Variants in TNFRSF19 observed in about 807,000 individuals in gnomAD.
TNFRSF19 encodes tumor necrosis factor receptor superfamily member 19.
A neutral mutation model predicts 46.4 loss-of-function variants in TNFRSF19; 27 were observed. The observed-to-expected ratio is 0.58, with a 90% CI of 0.43 to 0.80. The LOEUF (loss-of-function observed/expected upper bound fraction) is 0.80. Among genes scored for constraint, TNFRSF19 ranks in the 30% least tolerant of loss-of-function variants. The pLI is 0.00. For missense variants in TNFRSF19, 511 were observed against 530.8 expected (o/e 0.96, Z 0.37); for synonymous variants, 204 against 205.0 (o/e 1.00, Z 0.04).
rs34800120 is a variant in TNFRSF19, at chr13:23,633,111, C to CTTTTT, written c.445+6332_445+6336dup. ...ATGATCAAATTACACTTGTTGACGT[C>CTTTTT]TTTTTTTTTTTTTTTTTGAGACAGT... On this transcript the variant is annotated intron_variant, in intron 5 of 9. Coordinates refer to ENST00000248484, the MANE Select transcript of TNFRSF19 (RefSeq NM_148957.4). 3.7e-5 allele frequency among the ~76,000 whole-genome samples: 5 copies of CTTTTT among 136,136 alleles called. 2 individuals carry two copies. The highest frequency in any genetic ancestry group is 1.6e-5 in the Non-Finnish European group (1 of 64,192). 89.3% of individuals were successfully genotyped at this position (136,136 alleles called of 152,430 possible). A position where few individuals can be genotyped will look rare whatever the true frequency, so the allele number is the denominator to read the frequency against.
At chr13:23,575,400 A>G (rs948397787) in intron 1 of TNFRSF19, among the ~76,000 whole-genome samples, 3 of 152,194 alleles carry the variant, frequency 2.0e-5, no homozygotes, top group African/African-American at 7.2e-5. Flanking sequence ...AGATTATGTT[A>G]AGATACAGAA....
intron 5 of TNFRSF19, among the ~76,000 whole-genome samples, chr13:23,642,665 G>A (rs887493514): frequency 6.6e-6 from 1 of 152,214 alleles, no homozygotes; most frequent in African/African-American, 2.4e-5. Flanking sequence ...GCCTGTTGAT[G>A]TGCTTGTTAT....
chr13:23,626,778 C>T lies in TNFRSF19; in HGVS notation c.431C>T (p.Pro144Leu). Reference protein sequence around the residue: ...ECVPCGDPPPPYEPHCASKVN... With the variant: ...ECVPCGDPPPLYEPHCASKVN... ...GTGCCTTGTGGAGACCCTCCTCCTC[C>T]TTACGAACCGCACTGTGAGTGAACG... Residue 144 changes from proline (P) to leucine (L), a missense_variant, in exon 5 of 10, where the codon CCT becomes CTT. Pro to Leu is a moderately conservative substitution (Grantham distance 98). Coordinates refer to ENST00000248484, the MANE Select transcript of TNFRSF19 (RefSeq NM_148957.4). The T allele has an allele frequency of 6.2e-7, 1 of 1,614,180 alleles. No homozygotes were observed. The highest frequency in any genetic ancestry group is 1.1e-5 in the South Asian group (1 of 91,080).
chr13:23,599,779 G>A (rs960847014), intron 3 of TNFRSF19, among the ~76,000 whole-genome samples: 1 of 152,112 alleles, frequency 6.6e-6, no homozygotes, highest in African/African-American at 2.4e-5. Context: ...GAAAGAGTCT[G>A]TTCCATCAGT....
intron 5 of TNFRSF19, among the ~76,000 whole-genome samples, chr13:23,649,729 TA>T (rs1206697964): frequency 6.6e-6 from 1 of 152,176 alleles, no homozygotes. Flanking sequence ...TTGTATTCCA[TA>T]AGTTTTGGTA....
Position 23,611,061 on chromosome 13 carries a change from T to C in TNFRSF19, c.181-4806T>C, listed in dbSNP as rs1880875019. Among the ~76,000 whole-genome samples, 3 of 151,902 alleles carry C rather than the reference T, an allele frequency of 2.0e-5. No individual in the cohort carries two copies. In the East Asian group the frequency reaches 5.8e-4, roughly 29 times the overall value. On this transcript the variant is annotated intron_variant, in intron 3 of 9. Transcript: ENST00000248484. ...ATATCCCTTATCCTGAAGCCCAGGCTAAAGATGGACATACTCTGCCTATAC... is the reference window on the plus strand; with the variant it reads ...ATATCCCTTATCCTGAAGCCCAGGCCAAAGATGGACATACTCTGCCTATAC...
At chr13:23,582,834 G>A (rs937154803) in intron 1 of TNFRSF19, among the ~76,000 whole-genome samples, 1 of 152,168 alleles carries the variant, frequency 6.6e-6, no homozygotes, top group Non-Finnish European at 1.5e-5. Flanking sequence ...GGGAGGAGGG[G>A]TCTGGCTTCT....
chr13:23,639,964 G>A (rs892845342), intron 5 of TNFRSF19, among the ~76,000 whole-genome samples: 1 of 152,218 alleles, frequency 6.6e-6, no homozygotes, highest in African/African-American at 2.4e-5. Flanking sequence ...AAACTCTGCT[G>A]ACATGAGCGC....
intron 1 of TNFRSF19, among the ~76,000 whole-genome samples, chr13:23,588,889 T>A (rs1879045606): frequency 6.6e-6 from 1 of 152,248 alleles, no homozygotes; most frequent in African/African-American, 2.4e-5. Context: ...AAATGATTTT[T>A]CATTGCCCCG....
chr13:23,634,820 G>T (rs1882573094), intron 5 of TNFRSF19, among the ~76,000 whole-genome samples: 1 of 152,182 alleles, frequency 6.6e-6, no homozygotes, highest in Admixed American at 6.5e-5. Flanking sequence ...ACGGTCTAAG[G>T]AAGACCAGGG....
intron 1 of TNFRSF19, among the ~76,000 whole-genome samples, chr13:23,578,850 G>T (rs1453522336): frequency 6.6e-6 from 1 of 152,214 alleles, no homozygotes. Context: ...CGGGGCGAGT[G>T]CTTCCCGGCC....
chr13:23,666,695 A>G (rs1951639715), intron 7 of TNFRSF19, among the ~76,000 whole-genome samples: 1 of 152,176 alleles, frequency 6.6e-6, no homozygotes, highest in Non-Finnish European at 1.5e-5. Flanking sequence ...CAATTTTGAA[A>G]TGTCTCATGG....
intron 5 of TNFRSF19, among the ~76,000 whole-genome samples, chr13:23,653,541 T>C (rs1883784723): frequency 6.6e-6 from 1 of 152,174 alleles, no homozygotes; most frequent in Non-Finnish European, 1.5e-5. Context: ...GTGGTGACAT[T>C]GCGGAAGGAC....
chr13:23,592,289 G>A lies in TNFRSF19; in HGVS notation c.70-1056G>A, dbSNP rs77767455. On this transcript the variant is annotated intron_variant, in intron 2 of 9. Coordinates refer to ENST00000248484, the MANE Select transcript of TNFRSF19 (RefSeq NM_148957.4). The stretch of plus-strand genomic sequence containing the variant: ...CTTCCATTAAGGAAAACAGAACCGC[G>A]TCAGTAGCACTATTCAGGGCATTCT... Among the ~76,000 whole-genome samples, 1,279 of 152,184 alleles carry A rather than the reference G, an allele frequency of 8.4e-3. 28 individuals carry two copies. The highest frequency in any genetic ancestry group is 0.077 in the East Asian group (397 of 5,152).
At chr13:23,572,428 A>G (rs567191863) in intron 1 of TNFRSF19, among the ~76,000 whole-genome samples, 27 of 152,202 alleles carry the variant, frequency 1.8e-4, no homozygotes, top group Non-Finnish European at 2.6e-4. Flanking sequence ...TTTTAAAACA[A>G]TGACTGGAGA....
At chr13:23,615,513 G>A (rs1881212891) in intron 3 of TNFRSF19, among the ~76,000 whole-genome samples, 1 of 152,156 alleles carries the variant, frequency 6.6e-6, no homozygotes, top group Admixed American at 6.5e-5. Flanking sequence ...GTGTGTGAAT[G>A]TTTCCCTGGC....
chr13:23,608,059 T>G (rs999423140), intron 3 of TNFRSF19, among the ~76,000 whole-genome samples: 3 of 152,168 alleles, frequency 2.0e-5, no homozygotes, highest in Non-Finnish European at 4.4e-5. Flanking sequence ...CTGGATACAG[T>G]CTACACCTTG....
At chr13:23,572,349 T>C (rs1877686862) in intron 1 of TNFRSF19, among the ~76,000 whole-genome samples, 1 of 152,212 alleles carries the variant, frequency 6.6e-6, no homozygotes, top group Admixed American at 6.5e-5. Context: ...TTTAATTTGT[T>C]TGCTTAAAAT....
At chr13:23,615,786 G>A (rs1593257905) in intron 3 of TNFRSF19, 81 bp from the exon 4 acceptor site, 1 of 1,396,410 alleles carries the variant, frequency 7.2e-7, no homozygotes. Context: ...ATTAGACCAG[G>A]TCTTCGTTTC....
Sources: gnomAD v4.1 joint callset for allele counts (sites outside exome capture counted in the v4.1 genomes callset) on GRCh38, gnomAD v4.1.1 for gene constraint, MANE v1.5 for transcripts, NCBI Gene and HGNC (gene_info 2026-07-23, HGNC 2026-07-21) for gene names.